The following DLGAP2 variants were observed in gnomAD, a reference collection of about 807,000 sequenced individuals.
DLGAP2 encodes the protein DLG associated protein 2.
DLGAP2 carries 26 observed loss-of-function variants against 100.3 expected under a neutral mutation model. The ratio of observed to expected loss-of-function variants is 0.26; its 90% CI spans 0.19 to 0.36. The LOEUF (loss-of-function observed/expected upper bound fraction) is 0.36. Ranked by LOEUF, DLGAP2 falls within the 10% of genes least tolerant of loss-of-function variation. The pLI, the probability that DLGAP2 is intolerant of heterozygous loss-of-function variation, is 1.00. For missense variants in DLGAP2, 1,858 were observed against 1,453.2 expected, an observed-to-expected ratio of 1.28 and a Z score of -4.53; for synonymous variants, 886 against 630.1, an observed-to-expected ratio of 1.41 and a Z score of -6.08.
At chr8:880,934 T>C (rs549673612) in intron 1 of DLGAP2, among the ~76,000 whole-genome samples, 99 of 152,374 alleles carry the variant, frequency 6.5e-4, no homozygotes, top group Non-Finnish European at 1.3e-3. Context: ...TAACTAGTCG[T>C]ATCACTTAAT....
intron 1 of DLGAP2, among the ~76,000 whole-genome samples, chr8:900,832 A>C (rs1019967818): frequency 1.1e-4 from 16 of 152,196 alleles, no homozygotes; most frequent in Admixed American, 1.0e-3. Flanking sequence ...ACACAGAGAA[A>C]CAGAAAACAG....
At position 1,309,896 on chromosome 8, in the gene DLGAP2, A is replaced by C. The variant is rs555078420; in HGVS notation, c.106+51013A>C. On this transcript the variant is annotated intron_variant, in intron 3 of 14. Coordinates refer to ENST00000637795, the MANE Select transcript of DLGAP2 (RefSeq NM_001346810.2). ...GATTTCTTGAGGTCAGGAGTTCAAG[A>C]CCAGCCTAGCCAACATGGTGAAAAC... is the stretch of plus-strand genomic sequence containing the variant. Among the ~76,000 whole-genome samples, 5 of 152,296 alleles carry C rather than the reference A, an allele frequency of 3.3e-5. No individual in the cohort carries two copies. The South Asian group carries it at 8.3e-4, about 25-fold the overall frequency.
intron 3 of DLGAP2, among the ~76,000 whole-genome samples, chr8:1,314,052 G>C (rs141102347): frequency 2.0e-5 from 3 of 152,130 alleles, no homozygotes; most frequent in African/African-American, 7.2e-5. Flanking sequence ...AGCAACACAC[G>C]CTTTTCAGTT....
chr8:1,535,813 T>G (rs1163459455), intron 4 of DLGAP2, among the ~76,000 whole-genome samples: 1 of 152,134 alleles, frequency 6.6e-6, no homozygotes, highest in Non-Finnish European at 1.5e-5. Context: ...TGCAGGGCAT[T>G]GAAGGCAGAC....
Position 1,705,819 on chromosome 8 carries a change from GTCTGTTTACACT to G in DLGAP2, c.*4417_*4428del, listed in dbSNP as rs1287161768. ...AGGGTTCTCTTGTTTTGATCTGCAT[GTCTGTTTACACT>G]TCTCTGTAGGCGTGGGTTGAATACA... On this transcript the variant is annotated 3_prime_UTR_variant, in exon 15 of 15. Coordinates refer to ENST00000637795, the MANE Select transcript of DLGAP2 (RefSeq NM_001346810.2). 1 of 152,134 alleles carries G rather than the reference GTCTGTTTACACT, an allele frequency of 6.6e-6. No homozygotes were observed. The highest frequency in any genetic ancestry group is 1.5e-5 in the Non-Finnish European group (1 of 68,032). 9.4% of individuals were successfully genotyped at this position (152,134 alleles called of 1,614,324 possible).
chr8:1,532,007 G>A (rs1273484406), intron 4 of DLGAP2, among the ~76,000 whole-genome samples: 1 of 152,188 alleles, frequency 6.6e-6, no homozygotes, highest in Non-Finnish European at 1.5e-5. Context: ...AAGTACACTG[G>A]TTCCGTCCAG....
intron 1 of DLGAP2, among the ~76,000 whole-genome samples, chr8:827,703 A>T (rs1796707582): frequency 6.6e-6 from 1 of 152,226 alleles, no homozygotes; most frequent in Non-Finnish European, 1.5e-5. Flanking sequence ...GAATGTAGAA[A>T]TCTAATTTAT....
At chr8:837,809 C>A (rs1012184195) in intron 1 of DLGAP2, among the ~76,000 whole-genome samples, 1 of 150,532 alleles carries the variant, frequency 6.6e-6, no homozygotes, top group Admixed American at 6.6e-5. Flanking sequence ...TTCTGCCTCC[C>A]GGGTTCAAGC....
chr8:949,877 G>T (rs529498977), intron 2 of DLGAP2, among the ~76,000 whole-genome samples: 1 of 152,324 alleles, frequency 6.6e-6, no homozygotes, highest in Admixed American at 6.5e-5. Flanking sequence ...CTTTTCTCTT[G>T]GTGGCAGATG....
At chr8:1,083,521 C>CT (rs1262712477) in intron 2 of DLGAP2, among the ~76,000 whole-genome samples, 5 of 152,278 alleles carry the variant, frequency 3.3e-5, no homozygotes, top group Non-Finnish European at 5.9e-5. Context: ...TTGAGCTGAG[C>CT]TTATTCATTC....
rs565604586 is a variant in DLGAP2 at position 1,303,194 on chromosome 8, A to G, written c.106+44311A>G. ...GGGTGGATCACAAGGTCAGGAGCTC[A>G]AGACCATCCTGGCTAACACGGTGAA... On this transcript the variant is annotated intron_variant, in intron 3 of 14. Coordinates refer to ENST00000637795, the MANE Select transcript of DLGAP2 (RefSeq NM_001346810.2). Among the ~76,000 whole-genome samples the G allele has an allele frequency of 1.9e-3, 295 of 152,256 alleles. 1 individual carries two copies. The highest frequency in any genetic ancestry group is 6.4e-3 in the African/African-American group (266 of 41,564).
chr8:1,309,720 T>C (rs1800569052), intron 3 of DLGAP2, among the ~76,000 whole-genome samples: 1 of 152,230 alleles, frequency 6.6e-6, no homozygotes, highest in Non-Finnish European at 1.5e-5. Flanking sequence ...AACTCCACCT[T>C]TGTTGCTACA....
intron 12 of DLGAP2, chr8:1,680,871 C>G (rs1340250669): frequency 1.3e-5 from 2 of 152,272 alleles, no homozygotes; most frequent in Non-Finnish European, 2.9e-5. Flanking sequence ...TAAGTTGACG[C>G]CAAATTAAAT....
intron 2 of DLGAP2, among the ~76,000 whole-genome samples, chr8:972,575 T>C (rs1168230188): frequency 6.6e-6 from 1 of 152,132 alleles, no homozygotes; most frequent in Non-Finnish European, 1.5e-5. Context: ...ACTTCCAAAC[T>C]GAAAAGCAAA....
chr8:759,090 C>CCA lies in DLGAP2; in HGVS notation c.18+21265_18+21266insCA, dbSNP rs1563415503. ...ATTATCAATACCCCCCACAGCCTTC[C>CCA]TGTTATCAATACCCCCGACAGCCTT... On this transcript the variant is annotated intron_variant, in intron 1 of 14. Coordinates refer to ENST00000637795, the MANE Select transcript of DLGAP2 (RefSeq NM_001346810.2). Among the ~76,000 whole-genome samples the CCA allele has an allele frequency of 2.3e-4, 19 of 81,074 alleles. 3 individuals carry two copies. The highest frequency in any genetic ancestry group is 7.0e-4 in the African/African-American group (18 of 25,824). The allele number at this position is 81,074 out of a possible 152,430, so 53.2% of individuals were successfully genotyped here.
At chr8:759,248 C>G (rs1821011251) in intron 1 of DLGAP2, among the ~76,000 whole-genome samples, 1 of 147,754 alleles carries the variant, frequency 6.8e-6, no homozygotes, top group Non-Finnish European at 1.5e-5. Flanking sequence ...CCGCAACAGC[C>G]TCCCTGTTGT....
At chr8:1,615,741 A>G (rs1797130107) in intron 6 of DLGAP2, among the ~76,000 whole-genome samples, 1 of 152,120 alleles carries the variant, frequency 6.6e-6, no homozygotes, top group South Asian at 2.1e-4. Context: ...GTTAGAACTC[A>G]CCGGAAAGAT....
chr8:1,232,231 G>C (rs1448845762), intron 2 of DLGAP2, among the ~76,000 whole-genome samples: 1 of 152,250 alleles, frequency 6.6e-6, no homozygotes, highest in Non-Finnish European at 1.5e-5. Flanking sequence ...TCAGCCAGCA[G>C]AAGCTGGCCC....
chr8:1,133,479 A>G lies in DLGAP2; in HGVS notation c.74-125372A>G, dbSNP rs544747136. Among the ~76,000 whole-genome samples the G allele has an allele frequency of 2.6e-5, 4 of 152,332 alleles. No homozygotes were observed. The South Asian group carries it at 8.3e-4, about 32-fold the overall frequency. On this transcript the variant is annotated intron_variant, in intron 2 of 14. Transcript: ENST00000637795. ...TAGAAGGGACTTAGAATGATAAGTA[A>G]TAGATATGTCTTCTGGAAAACAATT...
Sources: gnomAD v4.1 joint callset for allele counts (sites outside exome capture counted in the v4.1 genomes callset) on GRCh38, gnomAD v4.1.1 for gene constraint, MANE v1.5 for transcripts, NCBI Gene and HGNC (gene_info 2026-07-23, HGNC 2026-07-21) for gene names.